The following PAK6 variants were observed in gnomAD, a reference collection of about 807,000 sequenced individuals.
PAK6 encodes the protein serine/threonine-protein kinase PAK 6.
PAK6 carries 33 observed loss-of-function variants against 60.8 expected under a neutral mutation model. The observed-to-expected ratio is 0.54, with a 90% CI of 0.41 to 0.73. The LOEUF is 0.73. Among genes scored for constraint, PAK6 ranks in the 30% least tolerant of loss-of-function variants. The pLI is 0.00. For missense variants in PAK6, 845 were observed against 904.1 expected (o/e 0.93, Z 0.84); for synonymous variants, 404 against 378.5 (o/e 1.07, Z -0.78).
chr15:40,270,355 G>A (rs1013718914), intron 5 of PAK6, among the ~76,000 whole-genome samples: 3 of 152,170 alleles, frequency 2.0e-5, no homozygotes, highest in Non-Finnish European at 4.4e-5. Flanking sequence ...TGTTCCATGG[G>A]CCTCCTAGGA....
At chr15:40,256,230 A>G (rs1361114027) in intron 3 of PAK6, among the ~76,000 whole-genome samples, 1 of 152,220 alleles carries the variant, frequency 6.6e-6, no homozygotes, top group Non-Finnish European at 1.5e-5. Context: ...GTCTCTAAAA[A>G]AAAATTTTTT....
chr15:40,276,619 G>A (rs529584226), exon 11 of PAK6: 9 of 153,110 alleles, frequency 5.9e-5, no homozygotes, highest in African/African-American at 4.8e-5. Context: ...GCCCCTCCCC[G>A]CCCAGAACTG....
At chr15:40,276,122 C>G in exon 11 of PAK6, 1 of 1,605,962 alleles carries the variant, frequency 6.2e-7, no homozygotes, top group Non-Finnish European at 8.5e-7. Flanking sequence ...CTGCCACCTA[C>G]GCCCACAGGC....
At chr15:40,275,280 G>GTTTTTTTTTTTTTTTTTTGTTTTTT in intron 10 of PAK6, among the ~76,000 whole-genome samples, 1 of 56,486 alleles carries the variant, frequency 1.8e-5, no homozygotes, top group Non-Finnish European at 3.1e-5. Flanking sequence ...GTTGTTGTTG[G>GTTTTTTTTTTTTTTTTTTGTTTTTT]TTTTTTTTTT....
At chr15:40,239,256 G>A (rs999070159), upstream of PAK6, 1 of 152,220 alleles carries the variant, frequency 6.6e-6, no homozygotes, top group African/African-American at 2.4e-5. Context: ...GGGCTCGGCG[G>A]CCACACTCTG....
rs750962796 is a variant in PAK6, at chr15:40,252,438, G to T, written c.-117-740G>T. ...GTGGAGAGAAAGAGTTGAGCAGCAC[G>T]GCGCCCCTCGGGCAGAGGGGCTCCT... On this transcript the variant is annotated intron_variant, in intron 2 of 10. Transcript: ENST00000560346. The T allele has an allele frequency of 1.0e-5, 14 of 1,358,698 alleles. No individual in the cohort carries two copies. In the South Asian group the frequency reaches 1.6e-4, roughly 15 times the overall value. The allele number at this position is 1,358,698 out of a possible 1,614,324, so 84.2% of individuals were successfully genotyped here. A position where few individuals can be genotyped will look rare whatever the true frequency, so the allele number is the denominator to read the frequency against.
intron 1 of PAK6, 30 bp from the exon 2 acceptor site, chr15:40,240,562 CTTTTTTT>C (rs10624794): frequency 6.8e-5 from 22 of 321,584 alleles, no homozygotes; most frequent in South Asian, 3.2e-4. Context: ...TTTTCTTTTC[CTTTTTTT>C]TTTTTTTTTT....
At chr15:40,240,906 T>G (rs1428084049) in intron 2 of PAK6, among the ~76,000 whole-genome samples, 1 of 151,808 alleles carries the variant, frequency 6.6e-6, no homozygotes, top group Non-Finnish European at 1.5e-5. Context: ...GAGGGAGAGG[T>G]GCTTGTTTCT....
rs762276597 is a variant in PAK6, at chr15:40,274,251, C to G, written c.1853C>G (p.Pro618Arg). ...ATGAAGAGGCTCCGGGACAGCCCCC[C>G]ACCCAAGCTGAAAAACTCTCACAAG... Residue 618 changes from proline (P) to arginine (R), a missense_variant, in exon 10 of 11, where the codon CCA (proline) becomes CGA (arginine). By Grantham distance (103) the Pro-to-Arg change is moderately radical (BLOSUM62 -2). Coordinates refer to ENST00000560346, the Ensembl canonical transcript of PAK6. 2.5e-6 allele frequency: 4 copies of G among 1,610,076 alleles called. No homozygotes were observed. The highest frequency in any genetic ancestry group is 3.4e-5 in the Admixed American group (2 of 59,336).
chr15:40,259,608 G>A (rs1481406857), intron 3 of PAK6: 1 of 152,038 alleles, frequency 6.6e-6, no homozygotes, highest in Non-Finnish European at 1.5e-5. Flanking sequence ...CCAACATGGT[G>A]AAACCCTATC....
At chr15:40,274,260 T>C in exon 10 of PAK6, 1 of 1,607,778 alleles carries the variant, frequency 6.2e-7, no homozygotes, top group Non-Finnish European at 8.5e-7. Flanking sequence ...CCACCCAAGC[T>C]GAAAAACTCT....
chr15:40,272,813 T>TG, intron 6 of PAK6, 53 bp from the exon 7 acceptor site: 1 of 1,597,234 alleles, frequency 6.3e-7, no homozygotes, highest in Non-Finnish European at 8.5e-7. Context: ...GGGCAGTGGG[T>TG]GGCCATGCGT....
chr15:40,252,713 G>C, intron 2 of PAK6: 1 of 1,304,322 alleles, frequency 7.7e-7, no homozygotes, highest in Non-Finnish European at 1.0e-6. Flanking sequence ...GGCTGCCCCG[G>C]AGGTTCGCGG....
chr15:40,242,833 C>T (rs2140939144), intron 2 of PAK6, among the ~76,000 whole-genome samples: 1 of 152,262 alleles, frequency 6.6e-6, no homozygotes, highest in Middle Eastern at 3.4e-3. Context: ...CCAGGCAGCA[C>T]CTTGTTCTGG....
At chr15:40,264,934 C>A (rs750072898) in exon 4 of PAK6, 1 of 1,613,782 alleles carries the variant, frequency 6.2e-7, no homozygotes, top group Non-Finnish European at 8.5e-7. Flanking sequence ...CTGCGGCGCC[C>A]CAAGCCCGTG....
exon 5 of PAK6, chr15:40,266,361 G>A (rs367656601): frequency 5.6e-6 from 9 of 1,612,794 alleles, no homozygotes; most frequent in Non-Finnish European, 7.6e-6. Flanking sequence ...AGGCAGGCCA[G>A]GTGGGGAAGG....
chr15:40,248,400 T>A (rs2038556451), intron 2 of PAK6, among the ~76,000 whole-genome samples: 2 of 152,290 alleles, frequency 1.3e-5, no homozygotes, highest in African/African-American at 4.8e-5. Flanking sequence ...GGCTTCGGGC[T>A]CCAGGGTGAG....
At chr15:40,263,998 C>G in intron 3 of PAK6, 1 of 454,666 alleles carries the variant, frequency 2.2e-6, no homozygotes, top group Non-Finnish European at 4.4e-6. Context: ...CTCTGGAGAG[C>G]TTTACCCCTA....
chr15:40,272,854 G>A lies in PAK6; in HGVS notation c.1357-12G>A, dbSNP rs2253603. On this transcript the variant is annotated splice_polypyrimidine_tract_variant and intron_variant, in intron 6 of 10. Transcript: ENST00000560346. Reference sequence around the variant, plus strand: ...CACTGTGCCTGGCACTCAGGCCCCCGCCTGCCCCCAGGTGGTGATCATGCG... The same window carrying A: ...CACTGTGCCTGGCACTCAGGCCCCCACCTGCCCCCAGGTGGTGATCATGCG... The A allele has an allele frequency of 0.68, 1,104,270 of 1,612,120 alleles. 394,148 individuals are homozygous for A. Among genetic ancestry groups the A allele is most frequent in the Admixed American group, 0.77 (46,385 of 59,976 alleles).
Sources: allele counts gnomAD v4.1 joint callset (sites outside exome capture counted in the v4.1 genomes callset), GRCh38; gene constraint gnomAD v4.1.1; transcripts MANE v1.5; gene names NCBI Gene and HGNC (gene_info 2026-07-23, HGNC 2026-07-21).